The following GLIS3 variants were observed in gnomAD, a reference collection of about 807,000 sequenced individuals.
GLIS3 encodes zinc finger protein GLIS3.
GLIS3 carries 53 observed loss-of-function variants against 78.6 expected under a neutral mutation model. That is an observed-to-expected ratio of 0.67 (90% CI 0.54 to 0.85). The LOEUF (loss-of-function observed/expected upper bound fraction) is 0.85. Ranked by LOEUF, GLIS3 falls within the 40% of genes least tolerant of loss-of-function variation. The pLI is 0.00. For synonymous variants in GLIS3, 684 were observed against 509.9 expected (o/e 1.34, Z -4.60); for missense variants, 1,703 against 1,231.1 (o/e 1.38, Z -5.74).
chr9:3,949,091 G>A (rs73641234), intron 4 of GLIS3, among the ~76,000 whole-genome samples: 442 of 152,258 alleles, frequency 2.9e-3, no homozygotes, highest in African/African-American at 9.7e-3. Flanking sequence ...TTCCCTCCGT[G>A]TAATTCCAAA....
At chr9:4,369,808 A>T in the GLIS3 span, among the ~76,000 whole-genome samples, 1 of 152,352 alleles carries the variant, frequency 6.6e-6, no homozygotes, top group African/African-American at 2.4e-5. Context: ...ATAGAGATAA[A>T]ATCCTATGTT....
In GLIS3 at chr9:4,012,632, C is replaced by A. The variant is rs79173249; in HGVS notation, c.1711-75443G>T. Among the ~76,000 whole-genome samples the A allele has an allele frequency of 4.0e-3, 614 of 152,116 alleles. 6 individuals are homozygous for A. The highest frequency in any genetic ancestry group is 0.014 in the African/African-American group (598 of 41,486). On this transcript the variant is annotated intron_variant, in intron 4 of 10. Transcript: ENST00000381971. The stretch of plus-strand genomic sequence containing the variant: ...TTCTTCCATACATTTTTGTGAAAAC[C>A]ACTATGTTCTTTTATGAGCTGCCAG...
intron 4 of GLIS3, among the ~76,000 whole-genome samples, chr9:3,987,396 G>C (rs545841874): frequency 6.6e-6 from 1 of 151,944 alleles, no homozygotes; most frequent in Admixed American, 6.6e-5. Flanking sequence ...GAGTAGAACC[G>C]AAAGAGTATA....
At chr9:4,362,142 C>T in the GLIS3 span, among the ~76,000 whole-genome samples, 1 of 152,250 alleles carries the variant, frequency 6.6e-6, no homozygotes, top group Non-Finnish European at 1.5e-5. Context: ...GCTGTCAAGA[C>T]AAAACCCAGG....
At chr9:4,112,990 A>ACTG (rs199840000) in intron 4 of GLIS3, among the ~76,000 whole-genome samples, 3,937 of 152,112 alleles carry the variant, frequency 0.026, 189 homozygotes, top group African/African-American at 0.091. Context: ...CCATGATTTT[A>ACTG]TTTATCTACA....
At chr9:3,950,085 A>G (rs903374656) in intron 4 of GLIS3, among the ~76,000 whole-genome samples, 14 of 152,174 alleles carry the variant, frequency 9.2e-5, no homozygotes, top group African/African-American at 3.4e-4. Flanking sequence ...CCCAAAGCCT[A>G]CAAGTCATTT....
chr9:4,337,114 CACAA>C lies in GLIS3; in HGVS notation n.264+9963_264+9966del, dbSNP rs576689691. On this transcript the variant is annotated intron_variant and non_coding_transcript_variant, in intron 2 of 4. Coordinates refer to the GLIS3 transcript ENST00000471664. ...TTGGTAGTGTCATTGGCTTCTAGTG[CACAA>C]ACAAATTGGTACAACTTTTCCCGAA... is the stretch of plus-strand genomic sequence containing the variant. Among the ~76,000 whole-genome samples, 586 of 152,214 alleles carry C rather than the reference CACAA, an allele frequency of 3.8e-3. 4 individuals carry two copies. The highest frequency in any genetic ancestry group is 0.014 in the African/African-American group (561 of 41,538).
At chr9:4,086,003 G>C (rs1392949594) in intron 4 of GLIS3, among the ~76,000 whole-genome samples, 1 of 152,090 alleles carries the variant, frequency 6.6e-6, no homozygotes, top group African/African-American at 2.4e-5. Context: ...CCTTCTAAAA[G>C]ACAGCTATGT....
chr9:4,287,458 C>T (rs1828100971), intron 1 of GLIS3, among the ~76,000 whole-genome samples: 1 of 152,222 alleles, frequency 6.6e-6, no homozygotes, highest in Admixed American at 6.5e-5. Flanking sequence ...CCCTCCTTCC[C>T]TTGACCAATA....
chr9:3,883,780 G>C (rs964828844), intron 7 of GLIS3, among the ~76,000 whole-genome samples: 2 of 152,212 alleles, frequency 1.3e-5, no homozygotes, highest in African/African-American at 4.8e-5. Flanking sequence ...ATGACTGGCA[G>C]CTGGAACAAC....
At chr9:4,150,047 A>AACAC (rs59500562) in intron 2 of GLIS3, among the ~76,000 whole-genome samples, 11 of 151,848 alleles carry the variant, frequency 7.2e-5, no homozygotes, top group South Asian at 2.1e-4. Flanking sequence ...TGCACACATA[A>AACAC]ACACACACAC....
chr9:3,957,266 G>A (rs1390341731), intron 4 of GLIS3, among the ~76,000 whole-genome samples: 1 of 152,212 alleles, frequency 6.6e-6, no homozygotes, highest in Non-Finnish European at 1.5e-5. Flanking sequence ...TGTTCTTGTT[G>A]ATGCAGTAAT....
chr9:4,449,675 G>T, the GLIS3 span, among the ~76,000 whole-genome samples: 1 of 152,210 alleles, frequency 6.6e-6, no homozygotes, highest in African/African-American at 2.4e-5. Flanking sequence ...CTGCTCTGCA[G>T]CCTCTGCTGG....
chr9:4,381,896 G>C, the GLIS3 span, among the ~76,000 whole-genome samples: 1 of 152,186 alleles, frequency 6.6e-6, no homozygotes, highest in Non-Finnish European at 1.5e-5. Context: ...CCAAGGTTCT[G>C]CTGGAACTGC....
chr9:4,064,755 G>A lies in GLIS3; in HGVS notation c.1710+53013C>T, dbSNP rs551223417. On this transcript the variant is annotated intron_variant, in intron 4 of 10. Coordinates refer to ENST00000381971, the MANE Select transcript of GLIS3 (RefSeq NM_001042413.2). ...GTTGAAATGAGCTGAGACTGCGCCA[G>A]TCAGAGAGGAAACTACTTAAATCTT... Among the ~76,000 whole-genome samples the A allele has an allele frequency of 2.0e-5, 3 of 152,322 alleles. No homozygotes were observed. The South Asian group carries it at 6.2e-4, about 32-fold the overall frequency.
intron 4 of GLIS3, among the ~76,000 whole-genome samples, chr9:3,952,687 T>C (rs1816779478): frequency 6.6e-6 from 1 of 152,176 alleles, no homozygotes; most frequent in Non-Finnish European, 1.5e-5. Flanking sequence ...TATCAGGTAA[T>C]TTTTGTATGG....
chr9:4,197,932 A>G (rs1215915063), intron 2 of GLIS3, among the ~76,000 whole-genome samples: 1 of 146,894 alleles, frequency 6.8e-6, no homozygotes, highest in Non-Finnish European at 1.5e-5. Context: ...GGGAAAGGGA[A>G]AGGGAGAGGG....
intron 2 of GLIS3, among the ~76,000 whole-genome samples, chr9:4,239,233 G>T (rs1228158369): frequency 6.7e-6 from 1 of 149,674 alleles, no homozygotes; most frequent in East Asian, 2.0e-4. Flanking sequence ...CGAGTTAATG[G>T]GTGCAGCACA....
rs140072333 is a variant in GLIS3 at position 3,836,259 on chromosome 9, G to C, written c.2474-6767C>G. 3.3e-5 allele frequency among the ~76,000 whole-genome samples: 5 copies of C among 152,346 alleles called. No homozygotes were observed. The South Asian group carries it at 8.3e-4, about 25-fold the overall frequency. ...CAGAGGCAGAATTGGCAGCCCCTCA[G>C]TTTCTTGGTCGTATGGCTGTTTGCT... On this transcript the variant is annotated intron_variant, in intron 9 of 10. Transcript: ENST00000381971.
Sources: allele counts gnomAD v4.1 joint callset (sites outside exome capture counted in the v4.1 genomes callset), GRCh38; gene constraint gnomAD v4.1.1; transcripts MANE v1.5; gene names NCBI Gene and HGNC (gene_info 2026-07-23, HGNC 2026-07-21).